OBSL1: variants seen among roughly 807,000 people sequenced by gnomAD.
The protein encoded by OBSL1 is obscurin like cytoskeletal adaptor 1.
OBSL1 carries 160 observed loss-of-function variants against 172.0 expected under a neutral mutation model. That is an observed-to-expected ratio of 0.93 (90% CI 0.82 to 1.06). The LOEUF (loss-of-function observed/expected upper bound fraction) is 1.06. Among genes scored for constraint, OBSL1 ranks in the 50% least tolerant of loss-of-function variants. The probability of loss-of-function intolerance (pLI) is 0.00; values close to 1 mark genes in which losing one functional copy is unlikely to be tolerated. For synonymous variants in OBSL1, 1,200 were observed against 1,196.3 expected (o/e 1.00, Z -0.06); for missense variants, 2,681 against 2,715.4 (o/e 0.99, Z 0.28).
At chr2:219,549,665 T>G, downstream of OBSL1, 6 of 1,600,044 alleles carry the variant, frequency 3.7e-6, no homozygotes, top group South Asian at 6.6e-5. Context: ...AGAGGTGGCT[T>G]TTAGGGCAGG....
chr2:219,570,196 C>G (rs1697232785), intron 1 of OBSL1, 25 bp downstream of exon 1: 2 of 1,509,138 alleles, frequency 1.3e-6, no homozygotes, highest in Non-Finnish European at 1.8e-6. Context: ...CGAGGCCCCT[C>G]CCTAGGTCCC....
downstream of OBSL1, chr2:219,547,462 G>T: frequency 7.2e-7 from 1 of 1,387,564 alleles, no homozygotes; most frequent in Non-Finnish European, 9.4e-7. Context: ...CCTCCAGCCT[G>T]GTGCCCTCAT....
rs557209272 is a variant in OBSL1, at chr2:219,561,914, G to T, written c.2953+488C>A. Reference sequence around the variant, plus strand: ...CAGTGCCAGCTGTTCGTCGCCATGGGGGGAAGCGGGACCAGAGCCGCCGGG... The same window carrying T: ...CAGTGCCAGCTGTTCGTCGCCATGGTGGGAAGCGGGACCAGAGCCGCCGGG... On this transcript the variant is annotated intron_variant, in intron 8 of 20. Transcript: ENST00000404537. The T allele has an allele frequency of 8.4e-6, 6 of 717,506 alleles. No individual in the cohort carries two copies. In the South Asian group the frequency reaches 8.9e-5, roughly 11 times the overall value. The allele number at this position is 717,506 out of a possible 1,614,324, so 44.4% of individuals were successfully genotyped here.
At position 219,553,623 on chromosome 2, in the gene OBSL1, G is replaced by A. The variant is rs771909036; in HGVS notation, c.4940C>T (p.Thr1647Met). ...AGCTTGGGAAAGCTCGCACTCGAAC[G>A]TAGCTGTGTCGCCCTCGGTCACCTC... Reference protein sequence around the residue: ...DLEVTEGDTATFECELSQALA... With the variant: ...DLEVTEGDTAMFECELSQALA... Residue 1647 changes from threonine (T) to methionine (M), a missense_variant, in exon 16 of 21, where the codon ACG (threonine) becomes ATG (methionine). Transcript: ENST00000404537. 10 of 1,613,910 alleles carry A rather than the reference G, an allele frequency of 6.2e-6. No individual in the cohort carries two copies. The Admixed American group carries it at 8.3e-5, about 13-fold the overall frequency.
Position 219,557,623 on chromosome 2 carries a change from G to A in OBSL1, c.3791-5C>T. ...CTACCACCCGCACAGGGGGCTCTGT[G>A]GAGTCAGAGCTGGAGGTCACTGGGA... On this transcript the variant is annotated splice_polypyrimidine_tract_variant and splice_region_variant and intron_variant, in intron 11 of 20. Transcript: ENST00000404537. 1 of 1,533,902 alleles carries A rather than the reference G, an allele frequency of 6.5e-7. No homozygotes were observed. The highest frequency in any genetic ancestry group is 1.2e-5 in the South Asian group (1 of 82,190).
In OBSL1 at chr2:219,571,104, C is replaced by T. The variant is rs767280826; in HGVS notation, c.129G>A (p.Val43=). Residue 43 remains valine, a synonymous_variant, in exon 1 of 21, where the codon GTG becomes GTA. Coordinates refer to ENST00000404537, the MANE Select transcript of OBSL1 (RefSeq NM_015311.3). ...CVVLGEPPPV[V]VWEKGGQQLA... ...GCTGCTGCCCGCCCTTCTCCCACACCACTACAGGCGGCGGCTCCCCCAGGA... is the reference window on the plus strand; with the variant it reads ...GCTGCTGCCCGCCCTTCTCCCACACTACTACAGGCGGCGGCTCCCCCAGGA... The T allele has an allele frequency of 6.8e-7, 1 of 1,466,800 alleles. No homozygotes were observed. The allele number at this position is 1,466,800 out of a possible 1,614,324, so 90.9% of individuals were successfully genotyped here.
At chr2:219,563,701 GAC>G (rs1696669439) in intron 6 of OBSL1, 74 bp from the exon 7 acceptor site, 2 of 1,506,348 alleles carry the variant, frequency 1.3e-6, no homozygotes, top group Admixed American at 3.6e-5. Flanking sequence ...GTGGCCAGGA[GAC>G]ACTGTTTCTG....
intron 19 of OBSL1, 92 bp downstream of exon 19, chr2:219,552,020 G>T: frequency 7.8e-7 from 1 of 1,282,684 alleles, no homozygotes; most frequent in Non-Finnish European, 1.1e-6. Flanking sequence ...GAAGAGAGAG[G>T]CAGCGTTCTT....
Position 219,552,522 on chromosome 2 carries a change from C to A in OBSL1, c.5308+14G>T. ...GGCAGCGAGGGGCCCGAAAGGGTAA[C>A]CAGGCGGGCAGACCTTCCTGTCGGA... On this transcript the variant is annotated intron_variant, in intron 18 of 20. Coordinates refer to ENST00000404537, the MANE Select transcript of OBSL1 (RefSeq NM_015311.3). 1 of 1,592,468 alleles carries A rather than the reference C, an allele frequency of 6.3e-7. No individual in the cohort carries two copies. The highest frequency in any genetic ancestry group is 1.3e-5 in the African/African-American group (1 of 74,764).
At chr2:219,553,754 G>C (rs1216687630) in intron 15 of OBSL1, 68 bp from the exon 16 acceptor site, 1 of 1,119,494 alleles carries the variant, frequency 8.9e-7, no homozygotes, top group African/African-American at 1.5e-5. Flanking sequence ...GGGACAAGGA[G>C]GACATACACT....
intron 8 of OBSL1, chr2:219,561,988 T>G (rs1236884130): frequency 1.4e-6 from 1 of 717,656 alleles, no homozygotes; most frequent in Admixed American, 2.0e-5. Flanking sequence ...TTATTTGAAC[T>G]GTCCTGACTT....
In OBSL1 at chr2:219,570,436, C is replaced by G; in HGVS notation, c.797G>C (p.Arg266Pro). The change falls in exon 1 of 21, where the codon CGC becomes CCC. Residue 266 changes from arginine (R) to proline (P), a missense_variant. By Grantham distance (103) the Arg-to-Pro change is moderately radical. Around this residue, in one of 5 missense-constraint regions of OBSL1, gnomAD observed 706 missense variants for 695.8 expected, o/e 1.01. Coordinates refer to ENST00000404537, the MANE Select transcript of OBSL1 (RefSeq NM_015311.3). ...WVNEGKHAKF[R>P]CYVMGKPEPE... The stretch of plus-strand genomic sequence containing the variant: ...CTCGGGCTTGCCCATCACGTAGCAG[C>G]GGAACTTGGCGTGCTTGCCCTCGTT... 1.2e-6 allele frequency: 2 copies of G among 1,613,214 alleles called. No individual in the cohort carries two copies. The highest frequency in any genetic ancestry group is 4.5e-5 in the East Asian group (2 of 44,858).
At chr2:219,565,067 C>CA (rs1259215349) in intron 6 of OBSL1, among the ~76,000 whole-genome samples, 175 bp downstream of exon 6, 2 of 151,546 alleles carry the variant, frequency 1.3e-5, no homozygotes, top group Non-Finnish European at 2.9e-5. Context: ...AGCCTGTCTC[C>CA]AAAAAAAACA....
Position 219,558,121 on chromosome 2 carries a change from G to C in OBSL1, c.3503-11C>G. 6.2e-7 allele frequency: 1 copy of C among 1,612,956 alleles called. No individual in the cohort carries two copies. Among genetic ancestry groups the C allele is most frequent in the Non-Finnish European group, 8.5e-7 (1 of 1,179,462 alleles). On this transcript the variant is annotated splice_polypyrimidine_tract_variant and intron_variant, in intron 10 of 20. Transcript: ENST00000404537. ...ACTGCACTGGAGGCTCTGGAGAAGA[G>C]AGGAAGGTGTCATCCCATGCTTGCC...
At chr2:219,561,275 C>A (rs1485778533) in intron 8 of OBSL1, among the ~76,000 whole-genome samples, 1 of 152,054 alleles carries the variant, frequency 6.6e-6, no homozygotes, top group African/African-American at 2.4e-5. Flanking sequence ...TTCTGTGCCC[C>A]CCAGAGCTGC....
intron 6 of OBSL1, among the ~76,000 whole-genome samples, chr2:219,564,339 C>CT (rs1696717220): frequency 6.6e-6 from 1 of 152,198 alleles, no homozygotes; most frequent in Non-Finnish European, 1.5e-5. Flanking sequence ...CTGTTTGACT[C>CT]TATCTGAGGC....
rs774866888 is a variant in OBSL1 at position 219,557,900 on chromosome 2, G to C, written c.3713C>G (p.Ala1238Gly). Residue 1238 changes from alanine to glycine, a missense_variant, in exon 11 of 21, where the codon GCC becomes GGC. Physicochemically the swap from Ala to Gly is moderately conservative, Grantham distance 60. Coordinates refer to ENST00000404537, the MANE Select transcript of OBSL1 (RefSeq NM_015311.3). ...RVLCIQAAGP[A>G]HAGLYTCQSG... ...CTGGCAGGTGTAGAGCCCTGCATGG[G>C]CTGGGCCTGCAGCCTGGATGCAGAG... 2 of 1,602,820 alleles carry C rather than the reference G, an allele frequency of 1.2e-6. No individual in the cohort carries two copies. Among genetic ancestry groups the C allele is most frequent in the Non-Finnish European group, 1.7e-6 (2 of 1,179,684 alleles).
At chr2:219,553,866 G>A (rs531398232) in intron 15 of OBSL1, among the ~76,000 whole-genome samples, 180 bp from the exon 16 acceptor site, 15 of 152,102 alleles carry the variant, frequency 9.9e-5, no homozygotes, top group South Asian at 6.2e-4. Context: ...GGATGTAGGT[G>A]GGCAGGGCCA....
intron 13 of OBSL1, 26 bp downstream of exon 13, chr2:219,556,428 G>A (rs773709574): frequency 3.1e-6 from 5 of 1,612,692 alleles, no homozygotes; most frequent in South Asian, 1.1e-5. Flanking sequence ...GGGACACAGA[G>A]TATCTCATCC....
Sources: gnomAD v4.1 joint callset for allele counts (sites outside exome capture counted in the v4.1 genomes callset) on GRCh38, gnomAD v4.1.1 for gene constraint, gnomAD v4.1.1 regional missense constraint, MANE v1.5 for transcripts, NCBI Gene and HGNC (gene_info 2026-07-23, HGNC 2026-07-21) for gene names.